Variants in CSMD3 observed in about 807,000 individuals in gnomAD.
The protein encoded by CSMD3 is CUB and Sushi multiple domains 3.
A neutral mutation model predicts 435.2 loss-of-function variants in CSMD3; 177 were observed. The observed-to-expected ratio is 0.41, with a 90% CI of 0.36 to 0.46. The LOEUF is 0.46. CSMD3 is among the 20% of genes least tolerant of loss of function. CSMD3 has a pLI of 0.34. For missense variants in CSMD3, 4,265 were observed against 4,504.6 expected, an observed-to-expected ratio of 0.95 and a Z score of 1.52; for synonymous variants, 1,656 against 1,520.5, an observed-to-expected ratio of 1.09 and a Z score of -2.07.
At chr8:112,389,808 G>T (rs1232956341) in intron 36 of CSMD3, among the ~76,000 whole-genome samples, 2 of 152,024 alleles carry the variant, frequency 1.3e-5, no homozygotes, top group Non-Finnish European at 2.9e-5. Context: ...ACCTTTCATA[G>T]GATATATATA....
At chr8:112,832,934 T>C (rs544263009) in intron 11 of CSMD3, among the ~76,000 whole-genome samples, 10 of 152,298 alleles carry the variant, frequency 6.6e-5, no homozygotes, top group Admixed American at 3.9e-4. Context: ...CTTTCTCCAA[T>C]GATCAGCAAA....
intron 1 of CSMD3, among the ~76,000 whole-genome samples, chr8:113,428,378 C>G (rs1205580596): frequency 6.6e-6 from 1 of 151,578 alleles, no homozygotes; most frequent in Admixed American, 6.6e-5. Flanking sequence ...TTACATTTTT[C>G]TTTTAGATTT....
intron 38 of CSMD3, among the ~76,000 whole-genome samples, chr8:112,373,476 G>A (rs955888156): frequency 1.3e-5 from 2 of 151,704 alleles, no homozygotes; most frequent in African/African-American, 4.8e-5. Context: ...AGTTGTTTAA[G>A]TATTTTGCTT....
chr8:112,253,186 T>C (rs1781852877), intron 63 of CSMD3, among the ~76,000 whole-genome samples: 1 of 151,936 alleles, frequency 6.6e-6, no homozygotes, highest in African/African-American at 2.4e-5. Flanking sequence ...CTGTTTCAGT[T>C]TCTTTGTACA....
At chr8:113,086,147 G>T (rs528744901) in intron 5 of CSMD3, among the ~76,000 whole-genome samples, 1 of 152,028 alleles carries the variant, frequency 6.6e-6, no homozygotes, top group South Asian at 2.1e-4. Flanking sequence ...TACTCGGGAG[G>T]CTGAGGCAGG....
chr8:112,845,701 G>C (rs1203356429), intron 11 of CSMD3, among the ~76,000 whole-genome samples: 1 of 151,860 alleles, frequency 6.6e-6, no homozygotes, highest in Non-Finnish European at 1.5e-5. Flanking sequence ...AACAGGCTTG[G>C]AGTAAGCAGA....
In CSMD3 at chr8:113,083,127, G is replaced by T. The variant is rs117734943; in HGVS notation, c.917+15629C>A. Among the ~76,000 whole-genome samples, 1,034 of 152,118 alleles carry T rather than the reference G, an allele frequency of 6.8e-3. 8 individuals are homozygous for T. Among genetic ancestry groups the T allele is most frequent in the Non-Finnish European group, 0.01 (690 of 67,980 alleles). On this transcript the variant is annotated intron_variant, in intron 5 of 70. Coordinates refer to ENST00000297405, the MANE Select transcript of CSMD3 (RefSeq NM_198123.2). ...AAACTGATTAAAGTGATAGATTTTG[G>T]CAGTTTGAATACAATGTGCCTTGAA...
intron 13 of CSMD3, among the ~76,000 whole-genome samples, chr8:112,698,791 T>C (rs1405123016): frequency 6.6e-6 from 1 of 152,154 alleles, no homozygotes; most frequent in East Asian, 1.9e-4. Flanking sequence ...AGGTGAAAGG[T>C]GAAGCCGGCT....
Position 112,319,903 on chromosome 8 carries a change from A to G in CSMD3, c.7244T>C (p.Ile2415Thr), listed in dbSNP as rs1822831147. The change falls in exon 46 of 71, where the codon ATA (isoleucine) becomes ACA (threonine). Residue 2415 changes from isoleucine to threonine, a missense_variant and splice_region_variant. By Grantham distance (89) the Ile-to-Thr change is moderately conservative. Transcript: ENST00000297405. ...TGAAAATAATTTAACAGCTTTACCTATTTCAAATTCATCATCTTCCGTCAA... is the reference window on the plus strand; with the variant it reads ...TGAAAATAATTTAACAGCTTTACCTGTTTCAAATTCATCATCTTCCGTCAA... ...EILTEDDEFE[I>T]GDIIRYQCLP... 1 of 1,605,834 alleles carries G rather than the reference A, an allele frequency of 6.2e-7. No homozygotes were observed. Among genetic ancestry groups the G allele is most frequent in the African/African-American group, 1.3e-5 (1 of 74,716 alleles).
intron 10 of CSMD3, among the ~76,000 whole-genome samples, chr8:112,885,396 G>A (rs141486449): frequency 0.013 from 1,976 of 151,042 alleles, 51 homozygotes; most frequent in African/African-American, 0.046. Context: ...ATATATTTAC[G>A]ATGAACTATA....
chr8:112,265,651 T>G, intron 59 of CSMD3, 61 bp from the exon 60 acceptor site: 2 of 1,143,328 alleles, frequency 1.7e-6, no homozygotes, highest in South Asian at 1.2e-5. Context: ...TGGAGAGGAG[T>G]AGTAAGCATA....
chr8:112,661,224 A>T (rs1254596308), intron 17 of CSMD3, among the ~76,000 whole-genome samples: 1 of 152,188 alleles, frequency 6.6e-6, no homozygotes, highest in Non-Finnish European at 1.5e-5. Context: ...CTATTTAACT[A>T]GTGTTACATT....
chr8:112,897,692 C>CTGTGTG (rs1172828603), intron 10 of CSMD3, among the ~76,000 whole-genome samples: 3 of 56,986 alleles, frequency 5.3e-5, no homozygotes, highest in African/African-American at 1.6e-4. Context: ...CTCTCTCTCT[C>CTGTGTG]TCTGTGTGTG....
intron 6 of CSMD3, among the ~76,000 whole-genome samples, chr8:113,012,482 A>G (rs1381809468): frequency 6.6e-6 from 1 of 151,860 alleles, no homozygotes; most frequent in Non-Finnish European, 1.5e-5. Context: ...TAATCCCGAT[A>G]TGTTAAGAGA....
At chr8:112,368,839 T>C (rs531983846) in intron 38 of CSMD3, among the ~76,000 whole-genome samples, 2 of 152,108 alleles carry the variant, frequency 1.3e-5, no homozygotes, top group African/African-American at 2.4e-5. Context: ...ATTTGTAAAA[T>C]AGGGTTAAAA....
intron 32 of CSMD3, among the ~76,000 whole-genome samples, chr8:112,455,454 G>A (rs375462292): frequency 6.6e-6 from 1 of 151,864 alleles, no homozygotes; most frequent in Non-Finnish European, 1.5e-5. Flanking sequence ...ACTACCTATT[G>A]GGTATTATGT....
intron 10 of CSMD3, among the ~76,000 whole-genome samples, chr8:112,915,790 TA>T (rs1279163919): frequency 2.0e-5 from 3 of 151,762 alleles, no homozygotes; most frequent in Non-Finnish European, 4.4e-5. Context: ...CATAATGCAA[TA>T]AAAATAATAT....
At chr8:112,356,415 C>A (rs1235033913) in intron 38 of CSMD3, among the ~76,000 whole-genome samples, 1 of 152,056 alleles carries the variant, frequency 6.6e-6, no homozygotes, top group Non-Finnish European at 1.5e-5. Context: ...CATAAAAAAC[C>A]AAATACCACA....
chr8:112,521,748 T>G (rs950519911), intron 27 of CSMD3, among the ~76,000 whole-genome samples: 1 of 151,842 alleles, frequency 6.6e-6, no homozygotes, highest in Non-Finnish European at 1.5e-5. Context: ...CTTAGATATC[T>G]GGTAGGTTCC....
Sources: gnomAD v4.1 joint callset for allele counts (sites outside exome capture counted in the v4.1 genomes callset) on GRCh38, gnomAD v4.1.1 for gene constraint, MANE v1.5 for transcripts, NCBI Gene and HGNC (gene_info 2026-07-23, HGNC 2026-07-21) for gene names.